Variants in PARD3B observed in about 807,000 individuals in gnomAD.
PARD3B encodes par-3 family cell polarity regulator beta.
Under a neutral mutation model 130.2 loss-of-function variants are expected in PARD3B, and 103 were observed. That is an observed-to-expected ratio of 0.79 (90% confidence interval 0.67 to 0.93). The LOEUF is 0.93. PARD3B is among the 40% of genes least tolerant of loss of function. The pLI, the probability that PARD3B is intolerant of heterozygous loss-of-function variation, is 0.00. For missense variants in PARD3B, 1,609 were observed against 1,499.2 expected, an observed-to-expected ratio of 1.07 and a Z score of -1.21; for synonymous variants, 583 against 553.2, an observed-to-expected ratio of 1.05 and a Z score of -0.76.
At chr2:204,555,419 G>T (rs941990700) in intron 1 of PARD3B, among the ~76,000 whole-genome samples, 1 of 152,036 alleles carries the variant, frequency 6.6e-6, no homozygotes, top group Non-Finnish European at 1.5e-5. Flanking sequence ...TTAGCCAGAC[G>T]TGGTGGCACA....
chr2:205,335,080 C>G (rs1027437278), intron 18 of PARD3B, among the ~76,000 whole-genome samples: 2 of 152,176 alleles, frequency 1.3e-5, no homozygotes, highest in Non-Finnish European at 2.9e-5. Flanking sequence ...TTATGCCCCT[C>G]CCTTCCGTTC....
At chr2:205,593,086 G>A (rs578182801) in intron 22 of PARD3B, among the ~76,000 whole-genome samples, 2 of 152,338 alleles carry the variant, frequency 1.3e-5, no homozygotes, top group Non-Finnish European at 2.9e-5. Flanking sequence ...AGTAACATTA[G>A]AAGTTTTGTC....
intron 2 of PARD3B, among the ~76,000 whole-genome samples, chr2:204,688,246 T>C (rs1433235003): frequency 6.6e-6 from 1 of 152,128 alleles, no homozygotes; most frequent in Non-Finnish European, 1.5e-5. Context: ...ATTTATACTT[T>C]TGATGTTGCT....
At chr2:205,369,288 G>C (rs1249189190) in intron 18 of PARD3B, among the ~76,000 whole-genome samples, 2 of 152,134 alleles carry the variant, frequency 1.3e-5, no homozygotes, top group African/African-American at 4.8e-5. Context: ...CTGCTCTCCA[G>C]CGTCTAGTCA....
chr2:204,673,856 A>T lies in PARD3B; in HGVS notation c.121-12325A>T, dbSNP rs1405199694. Among the ~76,000 whole-genome samples, 7 of 152,002 alleles carry T rather than the reference A, an allele frequency of 4.6e-5. No individual in the cohort carries two copies. Among genetic ancestry groups the T allele is most frequent in the Non-Finnish European group, 1.0e-4 (7 of 67,990 alleles). On this transcript the variant is annotated intron_variant, in intron 1 of 22. Coordinates refer to ENST00000406610, the MANE Select transcript of PARD3B (RefSeq NM_001302769.2). This position sits in a 1 kb window ranked among gnomAD's most constrained non-coding sequence, Gnocchi z 4.7. ...CTGGATTTTTATTCTCTTTTTTCTT[A>T]GATGTTGCAAGAACTCAACACATGT... is the stretch of plus-strand genomic sequence containing the variant.
intron 18 of PARD3B, among the ~76,000 whole-genome samples, chr2:205,332,720 G>A (rs1349375527): frequency 6.6e-6 from 1 of 152,126 alleles, no homozygotes; most frequent in African/African-American, 2.4e-5. Flanking sequence ...CCAGTATGAG[G>A]AGGAGGGTGC....
intron 1 of PARD3B, among the ~76,000 whole-genome samples, chr2:204,556,484 T>C (rs1263925172): frequency 6.6e-6 from 1 of 152,154 alleles, no homozygotes; most frequent in East Asian, 1.9e-4. Context: ...AGACAAATAA[T>C]GCCCTTTGAA....
rs192771017 is a variant in PARD3B at position 205,446,813 on chromosome 2, G to A, written c.3044+6141G>A. 6.6e-6 allele frequency among the ~76,000 whole-genome samples: 1 copy of A among 152,244 alleles called. No homozygotes were observed. The highest frequency in any genetic ancestry group is 1.5e-5 in the Non-Finnish European group (1 of 68,022). On this transcript the variant is annotated intron_variant, in intron 20 of 22. Transcript: ENST00000406610. This position sits in a 1 kb window ranked among gnomAD's most constrained non-coding sequence, Gnocchi z 4.4. ...CCTGACAATTACTCAGGTTTACAATGTGTTAGTTTTCCACCGCAATGCCAG... is the reference window on the plus strand; with the variant it reads ...CCTGACAATTACTCAGGTTTACAATATGTTAGTTTTCCACCGCAATGCCAG...
At chr2:205,342,787 T>C (rs2043591980) in intron 18 of PARD3B, among the ~76,000 whole-genome samples, 1 of 152,222 alleles carries the variant, frequency 6.6e-6, no homozygotes, top group Admixed American at 6.5e-5. Context: ...CTTTGAACCT[T>C]ATTCCATCCA....
chr2:204,778,107 C>A (rs2041702471), intron 2 of PARD3B, among the ~76,000 whole-genome samples: 1 of 143,128 alleles, frequency 7.0e-6, no homozygotes. Flanking sequence ...TGGGTAGTAT[C>A]TTTATAGCAA....
Position 205,126,748 on chromosome 2 carries a change from G to A in PARD3B, c.1434+1011G>A, listed in dbSNP as rs868672246. ...CACCTGGGCGACAGAGCGAGACTCC[G>A]TCTCAAAAAAAAAAAAAAAAAAAAA... On this transcript the variant is annotated intron_variant, in intron 10 of 22. Transcript: ENST00000406610. 4.8e-3 allele frequency among the ~76,000 whole-genome samples: 226 copies of A among 47,202 alleles called. 6 individuals are homozygous for A. The Middle Eastern group carries it at 0.062, about 13-fold the overall frequency. 31.0% of individuals were successfully genotyped at this position (47,202 alleles called of 152,430 possible).
chr2:204,930,173 A>G (rs1407062605), intron 2 of PARD3B, among the ~76,000 whole-genome samples: 1 of 151,656 alleles, frequency 6.6e-6, no homozygotes, highest in Non-Finnish European at 1.5e-5. Flanking sequence ...TTTTATTCTT[A>G]AAAAACCCTG....
chr2:205,601,716 T>C (rs1202968223), intron 22 of PARD3B, among the ~76,000 whole-genome samples: 1 of 152,192 alleles, frequency 6.6e-6, no homozygotes, highest in Non-Finnish European at 1.5e-5. Flanking sequence ...TTTCTGCATA[T>C]GGCTAGCCAG....
chr2:205,332,878 C>T (rs1360082611), intron 18 of PARD3B, among the ~76,000 whole-genome samples: 1 of 152,096 alleles, frequency 6.6e-6, no homozygotes, highest in East Asian at 1.9e-4. Flanking sequence ...GTATTATTAT[C>T]CACATTTTAT....
chr2:204,700,561 A>G (rs1229651376), intron 2 of PARD3B, among the ~76,000 whole-genome samples: 1 of 152,124 alleles, frequency 6.6e-6, no homozygotes, highest in African/African-American at 2.4e-5. Flanking sequence ...CTTCAGCCAA[A>G]TCAGTGTTTT....
intron 2 of PARD3B, among the ~76,000 whole-genome samples, chr2:204,932,740 G>C (rs1290725184): frequency 6.6e-6 from 1 of 152,106 alleles, no homozygotes; most frequent in Non-Finnish European, 1.5e-5. Flanking sequence ...GTTTATCAAA[G>C]AAAAGGTAGA....
Position 205,345,859 on chromosome 2 carries a change from C to G in PARD3B, c.2630+44158C>G, listed in dbSNP as rs1324023860. On this transcript the variant is annotated intron_variant, in intron 18 of 22. Transcript: ENST00000406610. ...TTTTGTACTTTTAGGAAAATGAAAA[C>G]TGCACATTTGAAATAAAAAAAGAAG... Among the ~76,000 whole-genome samples the G allele has an allele frequency of 1.2e-4, 11 of 88,170 alleles. 4 individuals carry two copies. Among genetic ancestry groups the G allele is most frequent in the African/African-American group, 3.0e-4 (11 of 37,222 alleles). 57.8% of individuals were successfully genotyped at this position (88,170 alleles called of 152,430 possible). A position where few individuals can be genotyped will look rare whatever the true frequency, so the allele number is the denominator to read the frequency against.
chr2:204,638,284 T>TAA (rs2034955488), intron 1 of PARD3B, among the ~76,000 whole-genome samples: 1 of 152,196 alleles, frequency 6.6e-6, no homozygotes, highest in Non-Finnish European at 1.5e-5. Context: ...AGAAATTCAT[T>TAA]AAAGAGCCTG....
chr2:204,789,771 T>C (rs939806752), intron 2 of PARD3B, among the ~76,000 whole-genome samples: 1 of 152,204 alleles, frequency 6.6e-6, no homozygotes, highest in Non-Finnish European at 1.5e-5. Context: ...TCATTACACA[T>C]GTTATTTCAT....
Sources: allele counts gnomAD v4.1 joint callset (sites outside exome capture counted in the v4.1 genomes callset), GRCh38; gene constraint gnomAD v4.1.1; non-coding constraint Gnocchi (gnomAD v3.1); transcripts MANE v1.5; gene names NCBI Gene and HGNC (gene_info 2026-07-23, HGNC 2026-07-21).